Variants in PCDHGA8 observed in about 807,000 individuals in gnomAD.
The protein encoded by PCDHGA8 is protocadherin gamma-A8.
A neutral mutation model predicts 59.2 loss-of-function variants in PCDHGA8; 45 were observed. That is an observed-to-expected ratio of 0.76 (90% CI 0.60 to 0.98). The LOEUF is 0.98. PCDHGA8 is among the 50% of genes least tolerant of loss of function. The probability of loss-of-function intolerance (pLI) is 0.00; values close to 1 mark genes in which losing one functional copy is unlikely to be tolerated. For synonymous variants in PCDHGA8, 531 were observed against 519.0 expected, an observed-to-expected ratio of 1.02 and a Z score of -0.32; for missense variants, 1,257 against 1,196.2, an observed-to-expected ratio of 1.05 and a Z score of -0.75.
rs200064261 is a variant in PCDHGA8, at chr5:141,487,515, G to A, written c.2425-7292G>A. 3.7e-5 allele frequency: 59 copies of A among 1,614,018 alleles called. No homozygotes were observed. The highest frequency in any genetic ancestry group is 8.8e-5 in the South Asian group (8 of 91,086). On this transcript the variant is annotated intron_variant, in intron 1 of 3. Coordinates refer to ENST00000398604, the MANE Select transcript of PCDHGA8 (RefSeq NM_032088.2). The surrounding 1 kb of genome is among the most constrained non-coding windows in gnomAD (Gnocchi z 5.0). Reference sequence around the variant, plus strand: ...ACACCCTTGGCTTCTGCACCCACTCGGAGTGATAGCTTCATGATGGTGAAG... The same window carrying A: ...ACACCCTTGGCTTCTGCACCCACTCAGAGTGATAGCTTCATGATGGTGAAG...
chr5:141,415,406 T>G, intron 1 of PCDHGA8: 1 of 1,614,208 alleles, frequency 6.2e-7, no homozygotes. Flanking sequence ...GGCTCGCACT[T>G]TGTGGGCGTG....
Position 141,476,715 on chromosome 5 carries a change from G to C in PCDHGA8, c.2425-18092G>C. 6.2e-7 allele frequency: 1 copy of C among 1,614,168 alleles called. No individual in the cohort carries two copies. The highest frequency in any genetic ancestry group is 8.5e-7 in the Non-Finnish European group (1 of 1,180,030). On this transcript the variant is annotated intron_variant, in intron 1 of 3. Transcript: ENST00000398604. The surrounding 1 kb of genome is among the most constrained non-coding windows in gnomAD (Gnocchi z 7.6). ...AAGTACGCGGAGCTGGTGTTGGAGC[G>C]CGCCCTGGACCGAGAACGGGAGCCT...
chr5:141,487,633 T>C lies in PCDHGA8; in HGVS notation c.2425-7174T>C. On this transcript the variant is annotated intron_variant, in intron 1 of 3. Transcript: ENST00000398604. The surrounding 1 kb of genome is among the most constrained non-coding windows in gnomAD (Gnocchi z 5.0). ...GGCTAGAGGTGAGACCTTTGCAGGCTCAACAAATGCTTGAGGGTTATTCTG... is the reference window on the plus strand; with the variant it reads ...GGCTAGAGGTGAGACCTTTGCAGGCCCAACAAATGCTTGAGGGTTATTCTG... 3 of 1,614,164 alleles carry C rather than the reference T, an allele frequency of 1.9e-6. No individual in the cohort carries two copies. The highest frequency in any genetic ancestry group is 2.7e-5 in the African/African-American group (2 of 75,052).
chr5:141,490,942 C>A lies in PCDHGA8; in HGVS notation c.2425-3865C>A, dbSNP rs371286343. On this transcript the variant is annotated intron_variant, in intron 1 of 3. Coordinates refer to ENST00000398604, the MANE Select transcript of PCDHGA8 (RefSeq NM_032088.2). This position sits in a 1 kb window ranked among gnomAD's most constrained non-coding sequence, Gnocchi z 5.4. ...TAATGCCCCAGCTGTGCTGCACCCA[C>A]GGCCAGACTGGGAACACTCAGCCCC... The A allele has an allele frequency of 3.0e-5, 49 of 1,613,526 alleles. No individual in the cohort carries two copies. The highest frequency in any genetic ancestry group is 4.1e-5 in the Non-Finnish European group (48 of 1,179,768).
chr5:141,399,623 C>G, intron 1 of PCDHGA8: 2 of 1,613,920 alleles, frequency 1.2e-6, no homozygotes, highest in Non-Finnish European at 1.7e-6. Context: ...GCACTGGCCT[C>G]TTACGTGTCC....
In PCDHGA8 at chr5:141,394,859, C is replaced by T; in HGVS notation, c.2046C>T (p.Val682=). ...LTELGSLKPS[V]DPNDSSLTLY... is the part of the protein sequence containing the mutation. The stretch of plus-strand genomic sequence containing the variant: ...AGTTGGGCAGTCTGAAGCCTTCGGT[C>T]GACCCGAACGATTCGAGCCTTACAC... Residue 682 remains valine (V), a synonymous_variant, in exon 1 of 4, where the codon GTC becomes GTT. Coordinates refer to ENST00000398604, the MANE Select transcript of PCDHGA8 (RefSeq NM_032088.2). 6.2e-7 allele frequency: 1 copy of T among 1,613,758 alleles called. No individual in the cohort carries two copies. Among genetic ancestry groups the T allele is most frequent in the Non-Finnish European group, 8.5e-7 (1 of 1,179,902 alleles).
rs773688197 is a variant in PCDHGA8, at chr5:141,432,412, C to T, written c.2424+37175C>T. On this transcript the variant is annotated intron_variant, in intron 1 of 3. Transcript: ENST00000398604. This position sits in a 1 kb window ranked among gnomAD's most constrained non-coding sequence, Gnocchi z 6.0. ...GCAGCAACGTGTCGTTGAGCCTGTT[C>T]GTGCTGGACCAGAACGACAATGCGC... 5 of 1,614,128 alleles carry T rather than the reference C, an allele frequency of 3.1e-6. No individual in the cohort carries two copies. The highest frequency in any genetic ancestry group is 4.5e-5 in the East Asian group (2 of 44,894).
chr5:141,472,980 C>CAAAAAAAAAAAAAAA (rs60579131), intron 1 of PCDHGA8, among the ~76,000 whole-genome samples: 13 of 86,076 alleles, frequency 1.5e-4, no homozygotes, highest in African/African-American at 1.9e-4. Context: ...GAGTGAAACT[C>CAAAAAAAAAAAAAAA]AAAAAAAAAA....
Position 141,476,990 on chromosome 5 carries a change from C to T in PCDHGA8, c.2425-17817C>T, listed in dbSNP as rs2099402882. ...CGGCAGCCACAACCGCGCCGGCGTGCGGCAACTATTCGCCTTAGACCTTGT... is the reference window on the plus strand; with the variant it reads ...CGGCAGCCACAACCGCGCCGGCGTGTGGCAACTATTCGCCTTAGACCTTGT... On this transcript the variant is annotated intron_variant, in intron 1 of 3. Coordinates refer to ENST00000398604, the MANE Select transcript of PCDHGA8 (RefSeq NM_032088.2). The surrounding 1 kb of genome is among the most constrained non-coding windows in gnomAD (Gnocchi z 7.6). 6.2e-7 allele frequency: 1 copy of T among 1,614,220 alleles called. No individual in the cohort carries two copies. The highest frequency in any genetic ancestry group is 8.5e-7 in the Non-Finnish European group (1 of 1,180,046).
intron 1 of PCDHGA8, chr5:141,413,478 T>C (rs755324008): frequency 6.2e-7 from 1 of 1,614,074 alleles, no homozygotes; most frequent in East Asian, 2.2e-5. Flanking sequence ...AGCTCTGCGC[T>C]CAGAGCGCGC....
chr5:141,478,096 T>C (rs749277013), intron 1 of PCDHGA8: 1 of 1,614,074 alleles, frequency 6.2e-7, no homozygotes, highest in South Asian at 1.1e-5. Context: ...CCACCACTGC[T>C]ACCCTCACTG....
chr5:141,496,513 G>A (rs1364297990), intron 2 of PCDHGA8, among the ~76,000 whole-genome samples: 1 of 152,140 alleles, frequency 6.6e-6, no homozygotes, highest in Non-Finnish European at 1.5e-5. Context: ...CAAGGACCCA[G>A]GAGCCCTTGG....
At chr5:141,404,891 C>G in intron 1 of PCDHGA8, 1 of 1,613,898 alleles carries the variant, frequency 6.2e-7, no homozygotes, top group African/African-American at 1.3e-5. Context: ...GGTGGCTGTA[C>G]AGGACCATGG....
chr5:141,481,445 T>C (rs760413279), intron 1 of PCDHGA8, among the ~76,000 whole-genome samples: 2 of 152,260 alleles, frequency 1.3e-5, no homozygotes, highest in Non-Finnish European at 2.9e-5. Context: ...GTTTAGTACA[T>C]GTAAATACAC....
At chr5:141,410,117 C>T (rs768592770) in intron 1 of PCDHGA8, 6 of 1,612,766 alleles carry the variant, frequency 3.7e-6, no homozygotes, top group Admixed American at 3.3e-5. Context: ...GGACGCAGCC[C>T]GCCAGCGCCT....
chr5:141,427,807 A>T (rs1443881781), intron 1 of PCDHGA8: 2 of 1,521,932 alleles, frequency 1.3e-6, no homozygotes, highest in East Asian at 2.3e-5. Flanking sequence ...GTGAGCGCAC[A>T]GAGCGGGGTG....
chr5:141,473,925 T>C (rs1338065496), intron 1 of PCDHGA8, among the ~76,000 whole-genome samples: 1 of 152,124 alleles, frequency 6.6e-6, no homozygotes, highest in East Asian at 1.9e-4. Context: ...AACTATGAGC[T>C]GGGTGCAGTA....
Position 141,485,716 on chromosome 5 carries a change from T to C in PCDHGA8, c.2425-9091T>C. Reference sequence around the variant, plus strand: ...GCTCCAATGAACACTTTGCACTGGATGTGAAGAAGCGCAGCGACGGCAGCC... The same window carrying C: ...GCTCCAATGAACACTTTGCACTGGACGTGAAGAAGCGCAGCGACGGCAGCC... On this transcript the variant is annotated intron_variant, in intron 1 of 3. Coordinates refer to ENST00000398604, the MANE Select transcript of PCDHGA8 (RefSeq NM_032088.2). The surrounding 1 kb of genome is among the most constrained non-coding windows in gnomAD (Gnocchi z 5.7). The C allele has an allele frequency of 6.2e-7, 1 of 1,614,044 alleles. No individual in the cohort carries two copies. Among genetic ancestry groups the C allele is most frequent in the Non-Finnish European group, 8.5e-7 (1 of 1,180,002 alleles).
Position 141,394,106 on chromosome 5 carries a change from T to C in PCDHGA8, c.1293T>C (p.Pro431=). The C allele has an allele frequency of 1.2e-6, 2 of 1,613,942 alleles. No individual in the cohort carries two copies. Among genetic ancestry groups the C allele is most frequent in the Non-Finnish European group, 1.7e-6 (2 of 1,179,862 alleles). Residue 431 remains proline (P), a synonymous_variant, in exon 1 of 4, where the codon CCT becomes CCC. Transcript: ENST00000398604. The part of the protein sequence containing the change: ...TVMASDLGTP[P]LSTETQIALH... ...TGGCCTCAGATCTAGGAACACCACC[T>C]CTGTCCACTGAAACTCAAATCGCTC... is the stretch of plus-strand genomic sequence containing the variant.
Sources: allele counts gnomAD v4.1 joint callset (sites outside exome capture counted in the v4.1 genomes callset), GRCh38; gene constraint gnomAD v4.1.1; non-coding constraint Gnocchi (gnomAD v3.1); transcripts MANE v1.5; gene names NCBI Gene and HGNC (gene_info 2026-07-23, HGNC 2026-07-21).